The following HOOK2 variants were observed in gnomAD, a reference collection of about 807,000 sequenced individuals.
The protein encoded by HOOK2 is protein Hook homolog 2.
In HOOK2, 108 loss-of-function variants were observed where a neutral mutation model predicts 111.9. The observed-to-expected ratio is 0.96, with a 90% CI of 0.83 to 1.13. HOOK2 has a LOEUF of 1.13. Ranked by LOEUF, HOOK2 falls within the 50% of genes most tolerant of loss-of-function variation. The pLI, the probability that HOOK2 is intolerant of heterozygous loss-of-function variation, is 0.00. For missense variants in HOOK2, 978 were observed against 951.3 expected (o/e 1.03, Z -0.37); for synonymous variants, 405 against 394.3 (o/e 1.03, Z -0.32).
In HOOK2 at chr19:12,771,289, G is replaced by C; in HGVS notation, c.631C>G (p.Leu211Val). The C allele has an allele frequency of 1.2e-6, 2 of 1,604,048 alleles. No individual in the cohort carries two copies. Among genetic ancestry groups the C allele is most frequent in the Non-Finnish European group, 1.7e-6 (2 of 1,174,954 alleles). ...LMLLSEEKQS[L>V]AQENAGLRER... ...CGCAGCCCTGCATTCTCTTGCGCCA[G>C]GCTCTGCTTCTCCTCTGACAGGAGC... Residue 211 changes from leucine (L) to valine (V), a missense_variant, in exon 9 of 23, where the codon CTG (leucine) becomes GTG (valine). Leu to Val is a conservative substitution (Grantham distance 32). Transcript: ENST00000397668.
chr19:12,790,427 T>C lies in HOOK2; in HGVS notation n.42-16202A>G, dbSNP rs1177539108. Among the ~76,000 whole-genome samples, 1 of 152,198 alleles carries C rather than the reference T, an allele frequency of 6.6e-6. No homozygotes were observed. The highest frequency in any genetic ancestry group is 1.5e-5 in the Non-Finnish European group (1 of 68,024). On this transcript the variant is annotated intron_variant and non_coding_transcript_variant, in intron 3 of 3. Transcript: ENST00000589765. The surrounding 1 kb of genome is among the most constrained non-coding windows in gnomAD (Gnocchi z 7.2). ...CAGCCGTCGGGCTGGGTCCAGGCTC[T>C]AGGAGCCGACACGGTGTTGGGCAAA...
At position 12,786,842 on chromosome 19, in the gene HOOK2, G is replaced by T. The variant is rs1296062843; in HGVS notation, n.42-12617C>A. Among the ~76,000 whole-genome samples the T allele has an allele frequency of 6.6e-6, 1 of 152,116 alleles. No homozygotes were observed. Among genetic ancestry groups the T allele is most frequent in the African/African-American group, 2.4e-5 (1 of 41,424 alleles). On this transcript the variant is annotated intron_variant and non_coding_transcript_variant, in intron 3 of 3. Transcript: ENST00000589765. This position sits in a 1 kb window ranked among gnomAD's most constrained non-coding sequence, Gnocchi z 4.3. ...TGTCCACAGAGACCCGTGCCCCTCT[G>T]TCTGTGCCCCACCACATTTCTCCCC... is the stretch of plus-strand genomic sequence containing the variant.
intron 11 of HOOK2, among the ~76,000 whole-genome samples, chr19:12,768,483 C>T (rs1968221865): frequency 6.6e-6 from 1 of 152,114 alleles, no homozygotes; most frequent in African/African-American, 2.4e-5. Flanking sequence ...GTTATATAGT[C>T]AACGCTTTAT....
At chr19:12,782,583 T>G (rs376408647), upstream of HOOK2, among the ~76,000 whole-genome samples, 1 of 152,024 alleles carries the variant, frequency 6.6e-6, no homozygotes, top group African/African-American at 2.4e-5. Context: ...GCTGCGTGCG[T>G]GGAACCCGAC....
At chr19:12,768,664 G>A (rs1045039994) in intron 11 of HOOK2, among the ~76,000 whole-genome samples, 14 of 152,030 alleles carry the variant, frequency 9.2e-5, no homozygotes, top group African/African-American at 3.4e-4. Flanking sequence ...AAAACAGATG[G>A]AATCTCGCTA....
In HOOK2 at chr19:12,767,902, C is replaced by G; in HGVS notation, c.1217G>C (p.Arg406Pro). Residue 406 changes from arginine (R) to proline (P), a missense_variant and splice_region_variant, in exon 13 of 23, where the codon CGG becomes CCG. Coordinates refer to ENST00000397668, the MANE Select transcript of HOOK2 (RefSeq NM_013312.3). ...CAAGGAGTCCCGCTCCGCCAACAGC[C>G]GCTGCAGGGACAGGGTACAAGACAC... ...KYESVTKEKE[R>P]LLAERDSLRE... 6.2e-7 allele frequency: 1 copy of G among 1,610,786 alleles called. No homozygotes were observed. Among genetic ancestry groups the G allele is most frequent in the East Asian group, 2.2e-5 (1 of 44,860 alleles).
intron 14 of HOOK2, 96 bp downstream of exon 14, chr19:12,767,299 A>C: frequency 2.9e-6 from 3 of 1,041,352 alleles, no homozygotes; most frequent in Non-Finnish European, 4.4e-6. Context: ...AGACCAAGCA[A>C]CCGGGGCTAG....
intron 3 of HOOK2, among the ~76,000 whole-genome samples, chr19:12,785,996 A>G (rs1968652241): frequency 6.6e-6 from 1 of 152,166 alleles, no homozygotes; most frequent in Non-Finnish European, 1.5e-5. Flanking sequence ...CAGCAGTGGC[A>G]GGGATGGAAG....
At chr19:12,777,412 C>T (rs1968547716), upstream of HOOK2, among the ~76,000 whole-genome samples, 1 of 148,046 alleles carries the variant, frequency 6.8e-6, no homozygotes, top group African/African-American at 2.5e-5. Context: ...TCCGGGAGGT[C>T]AACGCTGCAG....
chr19:12,787,538 A>G (rs1338343348), intron 3 of HOOK2, among the ~76,000 whole-genome samples: 1 of 152,028 alleles, frequency 6.6e-6, no homozygotes, highest in African/African-American at 2.4e-5. Flanking sequence ...AGGCTGAGGC[A>G]GAAGAATAGC....
intron 11 of HOOK2, among the ~76,000 whole-genome samples, chr19:12,768,944 C>T (rs914946927): frequency 1.3e-5 from 2 of 151,192 alleles, no homozygotes; most frequent in Non-Finnish European, 2.9e-5. Context: ...ATTACAGGCG[C>T]GCGCCACCAG....
upstream of HOOK2, among the ~76,000 whole-genome samples, chr19:12,782,956 G>C (rs543453554): frequency 6.6e-6 from 1 of 151,600 alleles, no homozygotes; most frequent in African/African-American, 2.4e-5. Flanking sequence ...TCCCCGCCCA[G>C]CCATCCTGCT....
At chr19:12,769,371 C>T (rs1380736607) in intron 11 of HOOK2, among the ~76,000 whole-genome samples, 1 of 152,102 alleles carries the variant, frequency 6.6e-6, no homozygotes, top group African/African-American at 2.4e-5. Flanking sequence ...TTATGGGGTG[C>T]CCGCCTTGGC....
upstream of HOOK2, among the ~76,000 whole-genome samples, chr19:12,780,630 C>T (rs1364614307): frequency 3.9e-5 from 5 of 126,840 alleles, no homozygotes; most frequent in Admixed American, 4.2e-4. Flanking sequence ...TGCTGGATTA[C>T]AGGCGTGAAC....
At position 12,766,012 on chromosome 19, in the gene HOOK2, A is replaced by C. The variant is rs781457613; in HGVS notation, c.1514T>G (p.Leu505Arg). ...CAGCTCGGATAGCTGCTGCTGGTTC[A>C]GCCTGCGAGGGTGGGGGGCCGCTTA... The part of the protein sequence containing the change: ...ARHGLETQHR[L>R]NQQQLSELRA... The change falls in exon 16 of 23, where the codon CTG (leucine) becomes CGG (arginine). Residue 505 changes from leucine (L) to arginine (R), a missense_variant and splice_region_variant. Leu to Arg is a moderately radical substitution (Grantham distance 102, BLOSUM62 -2). Transcript: ENST00000397668. 1 of 1,613,408 alleles carries C rather than the reference A, an allele frequency of 6.2e-7. No individual in the cohort carries two copies. The highest frequency in any genetic ancestry group is 8.5e-7 in the Non-Finnish European group (1 of 1,179,940).
At position 12,770,018 on chromosome 19, in the gene HOOK2, CG is replaced by C. The variant is rs1398335402; in HGVS notation, c.966del (p.Glu323SerfsTer2). 5 of 1,541,498 alleles carry C rather than the reference CG, an allele frequency of 3.2e-6. No homozygotes were observed. The highest frequency in any genetic ancestry group is 3.5e-6 in the Non-Finnish European group (4 of 1,147,308). On this transcript the variant is annotated frameshift_variant, in exon 11 of 23. Transcript: ENST00000397668. LOFTEE classifies it high-confidence loss of function. Reference protein sequence around the residue: ...ATLTSCRRRLGELRELRRQVR... With the variant: ...ATLTSCRRRLXELRELRRQVR... Reference sequence around the variant, plus strand: ...ACCTGCCGCCGCAGCTCCCTCAGCTCGCCCAAGCGGCGCCGGCAACTGGTCA... The same window carrying C: ...ACCTGCCGCCGCAGCTCCCTCAGCTCCCCAAGCGGCGCCGGCAACTGGTCA...
At chr19:12,777,788 C>G (rs1349700581), upstream of HOOK2, among the ~76,000 whole-genome samples, 2 of 152,262 alleles carry the variant, frequency 1.3e-5, no homozygotes, top group African/African-American at 4.8e-5. Flanking sequence ...ACTGTGCGCC[C>G]GCCCTGAAAC....
chr19:12,777,177 T>C (rs552395661), upstream of HOOK2, among the ~76,000 whole-genome samples: 1 of 139,104 alleles, frequency 7.2e-6, no homozygotes, highest in African/African-American at 2.7e-5. Context: ...TAAAATAAAA[T>C]AAAATAAAAT....
chr19:12,771,374 C>A, intron 8 of HOOK2, 23 bp downstream of exon 8: 1 of 1,610,836 alleles, frequency 6.2e-7, no homozygotes, highest in Non-Finnish European at 8.5e-7. Context: ...ACTCAAGTGA[C>A]CCTGCCCCAC....
Sources: allele counts gnomAD v4.1 joint callset (sites outside exome capture counted in the v4.1 genomes callset), GRCh38; gene constraint gnomAD v4.1.1; non-coding constraint Gnocchi (gnomAD v3.1); transcripts MANE v1.5; gene names NCBI Gene and HGNC (gene_info 2026-07-23, HGNC 2026-07-21).